TAF8: variants seen among roughly 807,000 people sequenced by gnomAD.
TAF8 encodes TATA-box binding protein associated factor 8, also known as transcription initiation factor TFIID subunit 8.
Under a neutral mutation model 36.5 loss-of-function variants are expected in TAF8, and 47 were observed. That is an observed-to-expected ratio of 1.29 (90% CI 1.02 to 1.64). The LOEUF is 1.64. Among genes scored for constraint, TAF8 ranks in the 40% most tolerant of loss-of-function variants. The pLI, the probability that TAF8 is intolerant of heterozygous loss-of-function variation, is 0.00. For missense variants in TAF8, 420 were observed against 407.6 expected (o/e 1.03, Z -0.26); for synonymous variants, 175 against 159.5 (o/e 1.10, Z -0.73).
intron 1 of TAF8, 141 bp downstream of exon 1, chr6:42,050,727 G>T (rs1764739990): frequency 1.8e-6 from 2 of 1,131,532 alleles, no homozygotes; most frequent in Non-Finnish European, 2.4e-6. Context: ...CAGGCCGTAG[G>T]CGCCCCCTCC....
At chr6:42,072,642 T>C (rs1370604238) in intron 7 of TAF8, among the ~76,000 whole-genome samples, 2 of 152,218 alleles carry the variant, frequency 1.3e-5, no homozygotes, top group Non-Finnish European at 2.9e-5. Context: ...TTAATTTATC[T>C]AGTCCCCCAT....
chr6:42,070,933 G>A (rs190838511), intron 7 of TAF8, among the ~76,000 whole-genome samples: 28 of 152,198 alleles, frequency 1.8e-4, no homozygotes, highest in Non-Finnish European at 2.2e-4. Flanking sequence ...AGACAAAGGT[G>A]GGCAAGGAGG....
intron 7 of TAF8, among the ~76,000 whole-genome samples, chr6:42,075,377 G>A (rs964363711): frequency 1.3e-5 from 2 of 152,188 alleles, no homozygotes; most frequent in African/African-American, 4.8e-5. Context: ...AAAACACACA[G>A]GCCCTGATAC....
chr6:42,075,708 C>G (rs1765722907), intron 7 of TAF8, among the ~76,000 whole-genome samples: 1 of 152,180 alleles, frequency 6.6e-6, no homozygotes, highest in Admixed American at 6.5e-5. Flanking sequence ...CCAGGGGGCG[C>G]AGCCCGACCA....
rs1002240693 is a variant in TAF8 at position 42,081,517 on chromosome 6, T to A, written c.*3972T>A. On this transcript the variant is annotated 3_prime_UTR_variant, in exon 9 of 9. Transcript: ENST00000372977. ...CCAAGTAGCTGGGACTACAGGTGCC[T>A]GCTACCACGCCCAGCTAATTTTTTG... is the stretch of plus-strand genomic sequence containing the variant. 1 of 152,190 alleles carries A rather than the reference T, an allele frequency of 6.6e-6. No individual in the cohort carries two copies. Among genetic ancestry groups the A allele is most frequent in the Non-Finnish European group, 1.5e-5 (1 of 68,080 alleles). The allele number at this position is 152,190 out of a possible 1,614,324, so 9.4% of individuals were successfully genotyped here. A position where few individuals can be genotyped will look rare whatever the true frequency, so the allele number is the denominator to read the frequency against.
At chr6:42,084,322 C>CT (rs1265673158), downstream of TAF8, among the ~76,000 whole-genome samples, 9 of 152,198 alleles carry the variant, frequency 5.9e-5, no homozygotes, top group African/African-American at 1.9e-4. Context: ...TGAGCACCTC[C>CT]TATATGCCAG....
chr6:42,056,066 G>A (rs1764977009), intron 4 of TAF8, 52 bp downstream of exon 4: 1 of 1,197,602 alleles, frequency 8.4e-7, no homozygotes, highest in Admixed American at 1.7e-5. Flanking sequence ...AATGCTTGTG[G>A]AATGAAGTAA....
intron 5 of TAF8, among the ~76,000 whole-genome samples, chr6:42,058,778 C>T (rs1052092249): frequency 2.5e-4 from 38 of 152,122 alleles, no homozygotes; most frequent in African/African-American, 8.2e-4. Flanking sequence ...GTTCTGGAGG[C>T]TAGAAGTCTA....
chr6:42,066,888 G>C (rs1765385780), intron 6 of TAF8, among the ~76,000 whole-genome samples: 10 of 152,312 alleles, frequency 6.6e-5, no homozygotes, highest in Admixed American at 5.9e-4. Context: ...TTTTACAAAT[G>C]TGAGTGAGGG....
chr6:42,085,342 C>A (rs955950197), downstream of TAF8, among the ~76,000 whole-genome samples: 3 of 152,194 alleles, frequency 2.0e-5, no homozygotes, highest in African/African-American at 7.2e-5. Flanking sequence ...ACATGATGCT[C>A]GTTCGTTGGG....
At chr6:42,050,717 C>CA (rs1764739625) in intron 1 of TAF8, 131 bp downstream of exon 1, 1 of 1,207,284 alleles carries the variant, frequency 8.3e-7, no homozygotes, top group Non-Finnish European at 1.1e-6. Context: ...AGGGTGTTTT[C>CA]AGGCCGTAGG....
intron 5 of TAF8, chr6:42,063,088 T>C (rs922562759): frequency 1.3e-5 from 2 of 152,240 alleles, no homozygotes; most frequent in Non-Finnish European, 2.9e-5. Flanking sequence ...CTAGGACATA[T>C]CAAAAATGTT....
intron 6 of TAF8, among the ~76,000 whole-genome samples, chr6:42,067,550 A>G (rs1377428135): frequency 1.3e-5 from 2 of 151,194 alleles, no homozygotes; most frequent in African/African-American, 4.9e-5. Context: ...ACATTCTACC[A>G]TAGAAGTACA....
downstream of TAF8, among the ~76,000 whole-genome samples, chr6:42,084,935 T>A (rs1766003874): frequency 6.6e-6 from 1 of 152,164 alleles, no homozygotes; most frequent in South Asian, 2.1e-4. Context: ...ATGGACTCCT[T>A]TCTTGGATGA....
chr6:42,066,308 G>A lies in TAF8; in HGVS notation c.490-4G>A, dbSNP rs149054253. The A allele has an allele frequency of 2.7e-5, 44 of 1,613,578 alleles. No individual in the cohort carries two copies. The East Asian group carries it at 6.9e-4, about 25-fold the overall frequency. ...CCCCAGTGTCTTTGCTGCTCTCTTC[G>A]TAGACGTACCGTGAGCCCGTGTCAG... is the stretch of plus-strand genomic sequence containing the variant. On this transcript the variant is annotated splice_polypyrimidine_tract_variant and splice_region_variant and intron_variant, in intron 5 of 8. Transcript: ENST00000372977.
At chr6:42,057,249 C>A in intron 4 of TAF8, 140 bp from the exon 5 acceptor site, 2 of 1,220,084 alleles carry the variant, frequency 1.6e-6, no homozygotes, top group South Asian at 1.4e-5. Flanking sequence ...GACCTTTTAT[C>A]GATTGAAATA....
intron 7 of TAF8, 49 bp from the exon 8 acceptor site, chr6:42,077,051 C>T (rs1765770634): frequency 6.4e-7 from 1 of 1,569,890 alleles, no homozygotes; most frequent in South Asian, 1.2e-5. Flanking sequence ...GGCATGATCT[C>T]TTTCCTTATG....
At chr6:42,072,612 C>T (rs1765617132) in intron 7 of TAF8, among the ~76,000 whole-genome samples, 2 of 152,202 alleles carry the variant, frequency 1.3e-5, no homozygotes, top group African/African-American at 4.8e-5. Flanking sequence ...CTTTATCTTC[C>T]ATTGTATGGA....
chr6:42,062,499 G>A (rs893044353), intron 5 of TAF8, among the ~76,000 whole-genome samples: 1 of 141,002 alleles, frequency 7.1e-6, no homozygotes, highest in African/African-American at 2.7e-5. Flanking sequence ...CTTCAGTTTC[G>A]ATTCTGTTAC....
Sources: gnomAD v4.1 joint callset for allele counts (sites outside exome capture counted in the v4.1 genomes callset) on GRCh38, gnomAD v4.1.1 for gene constraint, MANE v1.5 for transcripts, NCBI Gene and HGNC (gene_info 2026-07-23, HGNC 2026-07-21) for gene names.